Variants in DNAI4 observed in about 807,000 individuals in gnomAD.
DNAI4 encodes the protein WD repeat domain 78.
A neutral mutation model predicts 105.8 loss-of-function variants in DNAI4; 85 were observed. The observed-to-expected ratio is 0.80, with a 90% CI of 0.67 to 0.96. The LOEUF is 0.96. Among genes scored for constraint, DNAI4 ranks in the 40% least tolerant of loss-of-function variants. DNAI4 has a pLI of 0.00. For synonymous variants in DNAI4, 352 were observed against 331.5 expected (o/e 1.06, Z -0.67); for missense variants, 1,014 against 1,005.6 (o/e 1.01, Z -0.11).
chr1:66,886,509 T>C (rs1478951254), intron 4 of DNAI4, among the ~76,000 whole-genome samples: 1 of 152,194 alleles, frequency 6.6e-6, no homozygotes, highest in Non-Finnish European at 1.5e-5. Flanking sequence ...TTAATGTTGT[T>C]TTAGCTACAG....
At chr1:66,865,102 A>G (rs951374589) in intron 6 of DNAI4, among the ~76,000 whole-genome samples, 1 of 152,172 alleles carries the variant, frequency 6.6e-6, no homozygotes, top group Non-Finnish European at 1.5e-5. Context: ...ACACTAAAGA[A>G]TTTAGATGCA....
intron 4 of DNAI4, among the ~76,000 whole-genome samples, chr1:66,888,920 G>C (rs1026093634): frequency 3.3e-5 from 5 of 152,188 alleles, no homozygotes; most frequent in African/African-American, 1.2e-4. Flanking sequence ...CTAAGCAAAA[G>C]AGGATGCAAT....
At chr1:66,835,343 C>T (rs1373705616) in intron 11 of DNAI4, among the ~76,000 whole-genome samples, 1 of 152,144 alleles carries the variant, frequency 6.6e-6, no homozygotes, top group Non-Finnish European at 1.5e-5. Context: ...GGAATGGGAA[C>T]ATTTTCTGGA....
chr1:66,889,734 T>C (rs1647435696), intron 4 of DNAI4, among the ~76,000 whole-genome samples: 1 of 152,184 alleles, frequency 6.6e-6, no homozygotes, highest in Non-Finnish European at 1.5e-5. Flanking sequence ...CTCCCAGCAC[T>C]TCTGATCATC....
At chr1:66,920,236 TG>T (rs1303539342) in intron 1 of DNAI4, among the ~76,000 whole-genome samples, 7 of 152,146 alleles carry the variant, frequency 4.6e-5, no homozygotes, top group African/African-American at 1.7e-4. Flanking sequence ...GGAATCTGGC[TG>T]GGGACGGCTG....
intron 4 of DNAI4, among the ~76,000 whole-genome samples, chr1:66,881,677 G>A (rs750643441): frequency 2.6e-5 from 4 of 152,206 alleles, no homozygotes; most frequent in Non-Finnish European, 4.4e-5. Context: ...CCTTGTCTCA[G>A]ATGAGACATT....
At chr1:66,885,693 C>A (rs1647181369) in intron 4 of DNAI4, among the ~76,000 whole-genome samples, 1 of 151,670 alleles carries the variant, frequency 6.6e-6, no homozygotes, top group South Asian at 2.1e-4. Context: ...CCTGTCTGTA[C>A]AAAAATAAAA....
At chr1:66,894,738 A>G (rs1648167165) in intron 2 of DNAI4, among the ~76,000 whole-genome samples, 1 of 152,162 alleles carries the variant, frequency 6.6e-6, no homozygotes, top group African/African-American at 2.4e-5. Context: ...TGCAGTTCAC[A>G]TTTATTATAA....
chr1:66,860,472 C>G (rs1646602248), intron 7 of DNAI4, among the ~76,000 whole-genome samples: 1 of 151,848 alleles, frequency 6.6e-6, no homozygotes, highest in African/African-American at 2.4e-5. Context: ...TTCAATAAAT[C>G]TGATTATTCA....
chr1:66,869,635 A>T (rs1486182046), intron 6 of DNAI4, among the ~76,000 whole-genome samples: 1 of 152,180 alleles, frequency 6.6e-6, no homozygotes, highest in Non-Finnish European at 1.5e-5. Flanking sequence ...CCAAGTTTGC[A>T]CCAATTAAGA....
At chr1:66,838,763 C>G (rs1161018900) in intron 9 of DNAI4, among the ~76,000 whole-genome samples, 1 of 152,198 alleles carries the variant, frequency 6.6e-6, no homozygotes, top group African/African-American at 2.4e-5. Context: ...TGACATATCC[C>G]TATTTATCTC....
chr1:66,852,951 T>C (rs1420705165), intron 7 of DNAI4, among the ~76,000 whole-genome samples: 7 of 152,250 alleles, frequency 4.6e-5, no homozygotes, highest in Non-Finnish European at 7.3e-5. Flanking sequence ...ATGATTTTTA[T>C]TGTTATAACT....
chr1:66,831,397 C>A (rs1162200395), intron 13 of DNAI4, among the ~76,000 whole-genome samples: 1 of 152,020 alleles, frequency 6.6e-6, no homozygotes, highest in Non-Finnish European at 1.5e-5. Context: ...AACAAAATTT[C>A]AGTATATCAA....
rs2100369554 is a variant in DNAI4 at position 66,826,941 on chromosome 1, A to T, written c.2218T>A (p.Ser740Thr). Residue 740 changes from serine to threonine, a missense_variant, in exon 15 of 17, where the codon TCT (serine) becomes ACT (threonine). Physicochemically the swap from Ser to Thr is moderately conservative, Grantham distance 58 (BLOSUM62 1). Coordinates refer to ENST00000371026, the MANE Select transcript of DNAI4 (RefSeq NM_024763.5). ...IIWQQENVKP[S>T]LSFYPATSVV... ...GAAGTAGCTGGATAAAAACTCAAAG[A>T]TGGCTTGACATTCTCCTGTTGCCAT... 1 of 1,614,184 alleles carries T rather than the reference A, an allele frequency of 6.2e-7. No homozygotes were observed. Among genetic ancestry groups the T allele is most frequent in the Non-Finnish European group, 8.5e-7 (1 of 1,180,026 alleles).
At chr1:66,820,915 A>G (rs1645611059) in intron 16 of DNAI4, among the ~76,000 whole-genome samples, 1 of 151,900 alleles carries the variant, frequency 6.6e-6, no homozygotes, top group Admixed American at 6.6e-5. Context: ...CCCTGGCCAC[A>G]TTTCCTTCTT....
intron 5 of DNAI4, 118 bp downstream of exon 5, chr1:66,874,663 C>G: frequency 1.1e-6 from 1 of 931,392 alleles, no homozygotes. Context: ...CAGTCTCCCC[C>G]CAAACCCCAT....
intron 8 of DNAI4, among the ~76,000 whole-genome samples, chr1:66,843,236 AG>A: frequency 7.1e-6 from 1 of 140,900 alleles, no homozygotes; most frequent in South Asian, 2.3e-4. Flanking sequence ...GGGGAGGAGG[AG>A]GAGGAGGAGG....
intron 13 of DNAI4, among the ~76,000 whole-genome samples, chr1:66,828,883 T>C (rs1645808912): frequency 6.6e-6 from 1 of 152,200 alleles, no homozygotes; most frequent in South Asian, 2.1e-4. Flanking sequence ...ATTCCTTTTT[T>C]AATATGGATA....
intron 15 of DNAI4, among the ~76,000 whole-genome samples, chr1:66,822,842 T>G (rs1173191323): frequency 6.6e-6 from 1 of 152,144 alleles, no homozygotes; most frequent in South Asian, 2.1e-4. Context: ...ATCAGTCTAT[T>G]GTAAAGATAT....
Sources: gnomAD v4.1 joint callset for allele counts (sites outside exome capture counted in the v4.1 genomes callset) on GRCh38, gnomAD v4.1.1 for gene constraint, MANE v1.5 for transcripts, NCBI Gene and HGNC (gene_info 2026-07-23, HGNC 2026-07-21) for gene names.